FHAD1: variants seen among roughly 807,000 people sequenced by gnomAD.
The protein encoded by FHAD1 is forkhead associated phosphopeptide binding domain 1.
Under a neutral mutation model 191.3 loss-of-function variants are expected in FHAD1, and 146 were observed. The observed-to-expected ratio is 0.76, with a 90% CI of 0.67 to 0.88. The LOEUF (loss-of-function observed/expected upper bound fraction) is 0.88. Ranked by LOEUF, FHAD1 falls within the 40% of genes least tolerant of loss-of-function variation. The pLI is 0.00. For synonymous variants in FHAD1, 616 were observed against 672.3 expected (o/e 0.92, Z 1.29); for missense variants, 1,635 against 1,785.8 (o/e 0.92, Z 1.52).
At chr1:15,341,107 G>A (rs369293490) in intron 15 of FHAD1, among the ~76,000 whole-genome samples, 2 of 152,236 alleles carry the variant, frequency 1.3e-5, no homozygotes, top group African/African-American at 2.4e-5. Context: ...ACTTGAACCC[G>A]GGAGGCAGAG....
At chr1:15,265,292 A>G (rs1356917753) in intron 2 of FHAD1, among the ~76,000 whole-genome samples, 2 of 152,230 alleles carry the variant, frequency 1.3e-5, no homozygotes, top group African/African-American at 4.8e-5. Flanking sequence ...GTGCTTTGGT[A>G]AGGCCCAGTT....
chr1:15,374,589 C>T lies in FHAD1; in HGVS notation c.3535C>T (p.Leu1179Phe). The T allele has an allele frequency of 1.1e-5, 17 of 1,551,702 alleles. No individual in the cohort carries two copies. Among genetic ancestry groups the T allele is most frequent in the Non-Finnish European group, 1.5e-5 (17 of 1,146,996 alleles). ...GCGTCAGAAAAAGGCCTTATCTGAA[C>T]TTCGAGCGCGAATTAAAGAACTCGA... Reference protein sequence around the residue: ...IQRQKKALSELRARIKELEKA... With the variant: ...IQRQKKALSEFRARIKELEKA... Residue 1179 changes from leucine to phenylalanine, a missense_variant, in exon 27 of 34, where the codon CTT becomes TTT. By Grantham distance (22) the Leu-to-Phe change is conservative. Coordinates refer to ENST00000688493, the MANE Select transcript of FHAD1 (RefSeq NM_001391957.1).
chr1:15,251,925 T>C, intron 2 of FHAD1, 48 bp downstream of exon 2: 2 of 1,458,884 alleles, frequency 1.4e-6, no homozygotes, highest in Middle Eastern at 1.7e-4. Context: ...ACCCCTTCCT[T>C]CTCCCTCTCT....
At chr1:15,261,253 AGACT>A (rs1650907640) in intron 2 of FHAD1, among the ~76,000 whole-genome samples, 1 of 152,176 alleles carries the variant, frequency 6.6e-6, no homozygotes, top group Non-Finnish European at 1.5e-5. Flanking sequence ...TGGCACAGAC[AGACT>A]AAGGAGCCTG....
Position 15,286,833 on chromosome 1 carries a change from CA to C in FHAD1, c.301-2565del, listed in dbSNP as rs1373716652. The stretch of plus-strand genomic sequence containing the variant: ...CAGGAGACACGCTCACTCCCATTAG[CA>C]CCTGTGCAGTTAGTTGGCATGAGGC... On this transcript the variant is annotated intron_variant, in intron 3 of 33. Transcript: ENST00000688493. 2.6e-5 allele frequency among the ~76,000 whole-genome samples: 4 copies of C among 152,362 alleles called. No homozygotes were observed. The East Asian group carries it at 7.7e-4, about 29-fold the overall frequency.
intron 3 of FHAD1, among the ~76,000 whole-genome samples, chr1:15,279,893 A>C: frequency 1.3e-5 from 2 of 151,522 alleles, no homozygotes; most frequent in Non-Finnish European, 2.9e-5. Flanking sequence ...GAGGAAAAAC[A>C]AAAAAAAAGC....
intron 33 of FHAD1, among the ~76,000 whole-genome samples, chr1:15,395,369 C>T (rs1006659631): frequency 2.6e-5 from 4 of 151,798 alleles, no homozygotes; most frequent in Admixed American, 1.3e-4. Flanking sequence ...TCGTCTCTCT[C>T]GTGCATGCAT....
intron 10 of FHAD1, among the ~76,000 whole-genome samples, chr1:15,321,954 C>G (rs1328513812): frequency 6.6e-6 from 1 of 152,230 alleles, no homozygotes; most frequent in African/African-American, 2.4e-5. Flanking sequence ...GACAGTAAGT[C>G]TATCATTCCA....
chr1:15,243,380 C>A (rs1645623963), upstream of FHAD1, among the ~76,000 whole-genome samples: 1 of 152,230 alleles, frequency 6.6e-6, no homozygotes. Context: ...TGCGCAACAG[C>A]TTGGCTATTT....
chr1:15,264,872 T>C (rs1277623244), intron 2 of FHAD1, among the ~76,000 whole-genome samples: 1 of 152,188 alleles, frequency 6.6e-6, no homozygotes, highest in East Asian at 1.9e-4. Flanking sequence ...TTTTTGTGTT[T>C]TCATCATGGA....
chr1:15,341,585 AC>A (rs1301148038), intron 15 of FHAD1, 150 bp from the exon 16 acceptor site: 3 of 521,146 alleles, frequency 5.8e-6, no homozygotes, highest in Non-Finnish European at 9.9e-6. Context: ...TGAATTCTTA[AC>A]CACAGCATGC....
chr1:15,330,733 G>A (rs1680930137), intron 14 of FHAD1, among the ~76,000 whole-genome samples: 1 of 152,282 alleles, frequency 6.6e-6, no homozygotes, highest in South Asian at 2.1e-4. Context: ...GAGCACAAGG[G>A]GCTAACAGAA....
At chr1:15,337,209 G>A (rs1463672308) in intron 14 of FHAD1, among the ~76,000 whole-genome samples, 2 of 152,170 alleles carry the variant, frequency 1.3e-5, no homozygotes, top group Non-Finnish European at 2.9e-5. Context: ...CGATTGGCAT[G>A]TCCGGCTCTC....
chr1:15,280,548 C>G (rs1660235169), intron 3 of FHAD1, among the ~76,000 whole-genome samples: 1 of 152,088 alleles, frequency 6.6e-6, no homozygotes, highest in Admixed American at 6.6e-5. Flanking sequence ...AGGTGGAAGC[C>G]TTAGCATCCT....
intron 2 of FHAD1, among the ~76,000 whole-genome samples, chr1:15,252,125 T>C (rs1646858070): frequency 6.6e-6 from 1 of 152,214 alleles, no homozygotes; most frequent in Non-Finnish European, 1.5e-5. Context: ...CATCTGTCAC[T>C]GTCCCACCCA....
chr1:15,319,205 T>A (rs915450574), intron 10 of FHAD1, among the ~76,000 whole-genome samples: 1 of 152,188 alleles, frequency 6.6e-6, no homozygotes, highest in Non-Finnish European at 1.5e-5. Flanking sequence ...AGGGATGATC[T>A]GAGAAATAAA....
At chr1:15,375,867 G>A in intron 28 of FHAD1, 137 bp downstream of exon 28, 1 of 942,602 alleles carries the variant, frequency 1.1e-6, no homozygotes. Context: ...TCACTAGCTG[G>A]GGCCCCGACC....
At chr1:15,372,817 C>T (rs1698500726) in intron 26 of FHAD1, among the ~76,000 whole-genome samples, 1 of 152,236 alleles carries the variant, frequency 6.6e-6, no homozygotes, top group Admixed American at 6.5e-5. Flanking sequence ...GCAACTCTAT[C>T]TACAAATGAA....
chr1:15,294,890 G>C (rs114645337), intron 4 of FHAD1, among the ~76,000 whole-genome samples: 1 of 152,092 alleles, frequency 6.6e-6, no homozygotes, highest in African/African-American at 2.4e-5. Flanking sequence ...AGGCAGTAAG[G>C]CCGCAGCTCT....
Sources: allele counts gnomAD v4.1 joint callset (sites outside exome capture counted in the v4.1 genomes callset), GRCh38; gene constraint gnomAD v4.1.1; transcripts MANE v1.5; gene names NCBI Gene and HGNC (gene_info 2026-07-23, HGNC 2026-07-21).